TPH1: variants seen among roughly 807,000 people sequenced by gnomAD.
TPH1 encodes tryptophan 5-hydroxylase 1.
TPH1 carries 37 observed loss-of-function variants against 49.5 expected under a neutral mutation model. The ratio of observed to expected loss-of-function variants is 0.75; its 90% CI spans 0.58 to 0.98. The LOEUF is 0.98. Ranked by LOEUF, TPH1 falls within the 50% of genes least tolerant of loss-of-function variation. The pLI is 0.00. For missense variants in TPH1, 487 were observed against 523.6 expected (o/e 0.93, Z 0.68); for synonymous variants, 160 against 182.1 (o/e 0.88, Z 0.98).
chr11:18,042,415 G>A, intron 1 of TPH1: 1 of 449,692 alleles, frequency 2.2e-6, no homozygotes. Context: ...ACAGAGTATG[G>A]GCGACGTTGT....
chr11:18,027,065 A>G (rs1022221686), intron 6 of TPH1, among the ~76,000 whole-genome samples: 14 of 152,346 alleles, frequency 9.2e-5, no homozygotes, highest in African/African-American at 3.1e-4. Flanking sequence ...ATTCATTTAA[A>G]TCAGAACGAT....
chr11:18,029,844 G>C (rs1030076701), intron 4 of TPH1, among the ~76,000 whole-genome samples: 2 of 152,188 alleles, frequency 1.3e-5, no homozygotes, highest in African/African-American at 4.8e-5. Context: ...ACAGTTTAAA[G>C]AATAAGTAAA....
intron 1 of TPH1, 179 bp from the exon 2 acceptor site, chr11:18,040,967 C>A: frequency 1.9e-6 from 1 of 524,440 alleles, no homozygotes; most frequent in Non-Finnish European, 3.3e-6. Flanking sequence ...ACAACTTTGC[C>A]TGACACCTGC....
At chr11:18,039,282 G>C (rs1328383602) in intron 2 of TPH1, among the ~76,000 whole-genome samples, 1 of 152,128 alleles carries the variant, frequency 6.6e-6, no homozygotes, top group Admixed American at 6.5e-5. Context: ...GCATTTTAGA[G>C]ATATTAACTC....
Position 18,026,612 on chromosome 11 carries a change from A to C in TPH1, c.681T>G (p.Phe227Leu). The C allele has an allele frequency of 6.2e-7, 1 of 1,614,086 alleles. No individual in the cohort carries two copies. The highest frequency in any genetic ancestry group is 8.5e-7 in the Non-Finnish European group (1 of 1,179,954). Residue 227 changes from phenylalanine to leucine, a missense_variant, in exon 7 of 11, where the codon TTT (phenylalanine) becomes TTG (leucine). Physicochemically the swap from Phe to Leu is conservative, Grantham distance 22 (BLOSUM62 0). Transcript: ENST00000682019. Reference protein sequence around the residue: ...VSNFLKERTGFSIRPVAGYLS... With the variant: ...VSNFLKERTGLSIRPVAGYLS... ...AGTAACCAGCCACAGGACGGATGGA[A>C]AAACCTGTACGCTCTGCAAAGCAAA...
chr11:18,027,005 T>C (rs1847935337), intron 6 of TPH1, among the ~76,000 whole-genome samples: 1 of 152,252 alleles, frequency 6.6e-6, no homozygotes, highest in Middle Eastern at 3.2e-3. Context: ...TAAGGGGTTA[T>C]ACTATCTCCT....
chr11:18,023,744 T>C, intron 9 of TPH1, 144 bp downstream of exon 9: 1 of 649,822 alleles, frequency 1.5e-6, no homozygotes, highest in South Asian at 1.8e-5. Flanking sequence ...AATTGGGAAA[T>C]AGAGAAAAAT....
intron 9 of TPH1, 34 bp from the exon 10 acceptor site, chr11:18,022,965 A>T: frequency 6.2e-7 from 1 of 1,610,500 alleles, no homozygotes; most frequent in South Asian, 1.1e-5. Flanking sequence ...TCAAAGAATA[A>T]TATCTATTTT....
intron 2 of TPH1, among the ~76,000 whole-genome samples, chr11:18,036,546 T>C (rs1848049682): frequency 6.6e-6 from 1 of 152,206 alleles, no homozygotes; most frequent in African/African-American, 2.4e-5. Flanking sequence ...ATCCATTTAA[T>C]TAAATTAGAT....
chr11:18,027,895 T>A (rs1339486558), intron 6 of TPH1, among the ~76,000 whole-genome samples: 1 of 152,254 alleles, frequency 6.6e-6, no homozygotes, highest in Non-Finnish European at 1.5e-5. Context: ...TGTTTATTTC[T>A]TCTAGTTTTG....
chr11:18,028,924 G>T (rs1006634995), intron 6 of TPH1, among the ~76,000 whole-genome samples: 4 of 151,980 alleles, frequency 2.6e-5, no homozygotes, highest in Non-Finnish European at 5.9e-5. Flanking sequence ...AATTAGCAGG[G>T]TGTGGTGGCA....
chr11:18,037,331 C>G (rs1402441198), intron 2 of TPH1, among the ~76,000 whole-genome samples: 1 of 148,810 alleles, frequency 6.7e-6, no homozygotes, highest in African/African-American at 2.5e-5. Flanking sequence ...GCACTCCAGC[C>G]TGGGTGACAA....
At chr11:18,030,037 C>T (rs1427593022) in intron 4 of TPH1, among the ~76,000 whole-genome samples, 1 of 151,876 alleles carries the variant, frequency 6.6e-6, no homozygotes, top group Non-Finnish European at 1.5e-5. Context: ...AATATATTTG[C>T]CATTTGCAGA....
intron 9 of TPH1, 131 bp from the exon 10 acceptor site, chr11:18,023,062 C>G (rs1365884186): frequency 2.9e-6 from 3 of 1,021,766 alleles, no homozygotes; most frequent in South Asian, 1.4e-5. Context: ...AAACTTATTT[C>G]CTATAGCTCT....
chr11:18,033,981 C>T (rs894893361), intron 3 of TPH1, among the ~76,000 whole-genome samples: 4 of 152,158 alleles, frequency 2.6e-5, no homozygotes, highest in African/African-American at 7.2e-5. Context: ...CTTCTCATTC[C>T]GCAAAGCCTT....
intron 4 of TPH1, among the ~76,000 whole-genome samples, chr11:18,030,122 A>G (rs1847973053): frequency 6.6e-6 from 1 of 152,188 alleles, no homozygotes. Flanking sequence ...TTTTTTAGAC[A>G]AAATGGCTGA....
At chr11:18,037,627 A>C (rs2134033550) in intron 2 of TPH1, among the ~76,000 whole-genome samples, 1 of 152,294 alleles carries the variant, frequency 6.6e-6, no homozygotes, top group East Asian at 1.9e-4. Flanking sequence ...AAGCTAAACT[A>C]TGTCTTTGGA....
At position 18,022,793 on chromosome 11, in the gene TPH1, T is replaced by C; in HGVS notation, c.1160+5A>G. 2 of 1,612,866 alleles carry C rather than the reference T, an allele frequency of 1.2e-6. No individual in the cohort carries two copies. Among genetic ancestry groups the C allele is most frequent in the Middle Eastern group, 1.7e-4 (1 of 6,050 alleles). On this transcript the variant is annotated splice_donor_5th_base_variant and intron_variant, in intron 10 of 10. Coordinates refer to ENST00000682019, the MANE Select transcript of TPH1 (RefSeq NM_004179.3). ...AAATGAAGGCGTGAAGAAGATATAC[T>C]GTACCTCATCTTCTCCTTTGCATCT...
At chr11:18,044,472 G>T (rs929577332) in intron 1 of TPH1, among the ~76,000 whole-genome samples, 3 of 152,100 alleles carry the variant, frequency 2.0e-5, no homozygotes, top group Non-Finnish European at 4.4e-5. Context: ...TGGTAAAAAT[G>T]AAGGTTCTCA....
Sources: gnomAD v4.1 joint callset for allele counts (sites outside exome capture counted in the v4.1 genomes callset) on GRCh38, gnomAD v4.1.1 for gene constraint, MANE v1.5 for transcripts, NCBI Gene and HGNC (gene_info 2026-07-23, HGNC 2026-07-21) for gene names.